CTNND2: variants seen among roughly 807,000 people sequenced by gnomAD.
CTNND2 encodes catenin delta 2, also known as catenin delta-2.
Under a neutral mutation model 144.4 loss-of-function variants are expected in CTNND2, and 22 were observed. The ratio of observed to expected loss-of-function variants is 0.15; its 90% confidence interval spans 0.11 to 0.22. The LOEUF (loss-of-function observed/expected upper bound fraction) is 0.22. CTNND2 is among the 10% of genes least tolerant of loss of function. The pLI, the probability that CTNND2 is intolerant of heterozygous loss-of-function variation, is 1.00. For synonymous variants in CTNND2, 751 were observed against 695.6 expected, an observed-to-expected ratio of 1.08 and a Z score of -1.25; for missense variants, 1,353 against 1,618.8, an observed-to-expected ratio of 0.84 and a Z score of 2.82.
At chr5:11,225,455 G>A (rs191458627) in intron 10 of CTNND2, among the ~76,000 whole-genome samples, 31 of 152,246 alleles carry the variant, frequency 2.0e-4, no homozygotes, top group Admixed American at 1.4e-3. Flanking sequence ...ACACTACCCA[G>A]TGAATTTACC....
chr5:11,591,485 G>A (rs189711974), intron 2 of CTNND2, among the ~76,000 whole-genome samples: 250 of 151,728 alleles, frequency 1.6e-3, no homozygotes, highest in African/African-American at 5.5e-3. Flanking sequence ...TACCAGTCCC[G>A]TTTATTTCTG....
intron 3 of CTNND2, among the ~76,000 whole-genome samples, chr5:11,502,027 C>CAAAAAAAAAA (rs547364682): frequency 1.7e-5 from 1 of 57,240 alleles, no homozygotes; most frequent in Non-Finnish European, 4.2e-5. Context: ...GACTCCATCT[C>CAAAAAAAAAA]AAAAAAAAAA....
At chr5:11,468,940 C>G (rs933649429) in intron 3 of CTNND2, among the ~76,000 whole-genome samples, 1 of 152,130 alleles carries the variant, frequency 6.6e-6, no homozygotes, top group East Asian at 1.9e-4. Flanking sequence ...AGGGTTTCTA[C>G]ATAAGTCTCC....
chr5:11,703,072 T>C (rs1034310717), intron 2 of CTNND2, among the ~76,000 whole-genome samples: 2 of 152,134 alleles, frequency 1.3e-5, no homozygotes, highest in Non-Finnish European at 2.9e-5. Flanking sequence ...GGATCACACA[T>C]GAATGCAGTG....
rs1185238728 is a variant in CTNND2 at position 11,481,017 on chromosome 5, A to G, written c.288-68948T>C. On this transcript the variant is annotated intron_variant, in intron 3 of 21. Coordinates refer to ENST00000304623, the MANE Select transcript of CTNND2 (RefSeq NM_001332.4). ...TTTTGAATTAACTGGAAAAAGTTAA[A>G]AAAGAAAAAAGCTCTACAATCAAAA... 2.0e-5 allele frequency among the ~76,000 whole-genome samples: 3 copies of G among 152,182 alleles called. No individual in the cohort carries two copies. In the East Asian group the frequency reaches 5.8e-4, roughly 29 times the overall value.
intron 2 of CTNND2, among the ~76,000 whole-genome samples, chr5:11,618,702 A>AT (rs536503658): frequency 6.6e-6 from 1 of 152,130 alleles, no homozygotes; most frequent in Non-Finnish European, 1.5e-5. Flanking sequence ...CCATAAATTG[A>AT]TTTTTTTCAC....
At chr5:11,808,539 G>A (rs1792134775) in intron 1 of CTNND2, among the ~76,000 whole-genome samples, 1 of 152,192 alleles carries the variant, frequency 6.6e-6, no homozygotes, top group Non-Finnish European at 1.5e-5. Context: ...GCTCTGAAGT[G>A]CTTTTCATAG....
intron 2 of CTNND2, among the ~76,000 whole-genome samples, chr5:11,567,646 T>G (rs1030859606): frequency 6.6e-6 from 1 of 152,244 alleles, no homozygotes; most frequent in African/African-American, 2.4e-5. Context: ...TGTATTTTTA[T>G]ATCAGACACT....
chr5:11,082,948 G>A (rs1387975976), intron 15 of CTNND2, 102 bp from the exon 16 acceptor site: 1 of 1,322,784 alleles, frequency 7.6e-7, no homozygotes, highest in Non-Finnish European at 1.0e-6. Flanking sequence ...GAGCCAAAAA[G>A]GTTGAATTAC....
intron 3 of CTNND2, among the ~76,000 whole-genome samples, chr5:11,516,624 G>C (rs2150033064): frequency 6.6e-6 from 1 of 152,068 alleles, no homozygotes; most frequent in Middle Eastern, 3.4e-3. Context: ...AGCAAAATAA[G>C]TGCAAAATGT....
intron 3 of CTNND2, among the ~76,000 whole-genome samples, chr5:11,495,091 T>C (rs1434903938): frequency 3.3e-5 from 5 of 152,194 alleles, no homozygotes; most frequent in Non-Finnish European, 5.9e-5. Context: ...CAGAAGCCCC[T>C]TACGAAATCA....
intron 3 of CTNND2, 132 bp from the exon 4 acceptor site, chr5:11,412,201 G>A: frequency 1.5e-6 from 1 of 660,554 alleles, no homozygotes; most frequent in East Asian, 2.6e-5. Flanking sequence ...TTCTTACTAT[G>A]AAAAGGGATT....
chr5:11,607,755 A>T (rs1241248787), intron 2 of CTNND2, among the ~76,000 whole-genome samples: 1 of 152,186 alleles, frequency 6.6e-6, no homozygotes, highest in Non-Finnish European at 1.5e-5. Flanking sequence ...CAACATCCCC[A>T]ATGAAAGAAA....
chr5:11,818,113 G>A (rs1161191285), intron 1 of CTNND2, among the ~76,000 whole-genome samples: 1 of 149,920 alleles, frequency 6.7e-6, no homozygotes, highest in Non-Finnish European at 1.5e-5. Context: ...ATACGACAGT[G>A]CGGAAATCAA....
intron 3 of CTNND2, among the ~76,000 whole-genome samples, chr5:11,483,003 A>G: frequency 6.6e-6 from 1 of 152,000 alleles, no homozygotes; most frequent in Non-Finnish European, 1.5e-5. Flanking sequence ...AAAACCACAG[A>G]GAGGCACTGG....
intron 20 of CTNND2, among the ~76,000 whole-genome samples, chr5:10,982,941 C>T (rs1048284663): frequency 4.6e-5 from 7 of 151,880 alleles, no homozygotes; most frequent in African/African-American, 1.2e-4. Flanking sequence ...GTGGAATATG[C>T]GGAAGCTAAA....
chr5:11,662,296 G>C (rs998600802), intron 2 of CTNND2, among the ~76,000 whole-genome samples: 9 of 147,170 alleles, frequency 6.1e-5, no homozygotes, highest in African/African-American at 1.7e-4. Context: ...TATATAGACA[G>C]AGAGAGAGAG....
chr5:11,710,797 G>A (rs772687106), intron 2 of CTNND2, among the ~76,000 whole-genome samples: 14 of 152,186 alleles, frequency 9.2e-5, no homozygotes, highest in South Asian at 2.1e-4. Context: ...ATTTTCAATG[G>A]AAGGGAGGTT....
At chr5:11,171,055 T>C (rs1759853050) in intron 11 of CTNND2, among the ~76,000 whole-genome samples, 1 of 152,200 alleles carries the variant, frequency 6.6e-6, no homozygotes. Context: ...GTGGGGATTC[T>C]GGGAGCTACA....
Sources: allele counts gnomAD v4.1 joint callset (sites outside exome capture counted in the v4.1 genomes callset), GRCh38; gene constraint gnomAD v4.1.1; transcripts MANE v1.5; gene names NCBI Gene and HGNC (gene_info 2026-07-23, HGNC 2026-07-21).